WDHD1: variants seen among roughly 807,000 people sequenced by gnomAD.
The protein encoded by WDHD1 is WD repeat and HMG-box DNA binding protein 1.
Under a neutral mutation model 135.4 loss-of-function variants are expected in WDHD1, and 111 were observed. That is an observed-to-expected ratio of 0.82 (90% CI 0.70 to 0.96). WDHD1 has a LOEUF of 0.96. Among genes scored for constraint, WDHD1 ranks in the 40% least tolerant of loss-of-function variants. The pLI is 0.00. For missense variants in WDHD1, 1,351 were observed against 1,336.3 expected, an observed-to-expected ratio of 1.01 and a Z score of -0.17; for synonymous variants, 434 against 439.0, an observed-to-expected ratio of 0.99 and a Z score of 0.14.
intron 2 of WDHD1, among the ~76,000 whole-genome samples, chr14:55,025,502 C>T (rs1594602721): frequency 6.6e-6 from 1 of 152,246 alleles, no homozygotes; most frequent in Non-Finnish European, 1.5e-5. Flanking sequence ...CCCGCCCCTA[C>T]ACAAACTAAT....
chr14:54,955,721 ATAACATCTAGTATAATTTTATATGTTT>A, intron 23 of WDHD1, 27 bp from the exon 24 acceptor site: 1 of 1,485,476 alleles, frequency 6.7e-7, no homozygotes, highest in Non-Finnish European at 8.9e-7. Flanking sequence ...GAATACTGCA[ATAACATCTAGTATAATTTTATATGTTT>A]TATAAGCACG....
intron 14 of WDHD1, 96 bp downstream of exon 14, chr14:54,987,050 G>T: frequency 7.3e-7 from 1 of 1,378,166 alleles, no homozygotes; most frequent in Non-Finnish European, 1.0e-6. Flanking sequence ...TCAAAAGGAA[G>T]TATATAATCC....
intron 25 of WDHD1, among the ~76,000 whole-genome samples, chr14:54,942,269 A>AATAC (rs1460731618): frequency 1.5e-4 from 22 of 150,528 alleles, no homozygotes; most frequent in Admixed American, 1.4e-3. Context: ...TAAATAAATA[A>AATAC]ATAAATAAAT....
intron 11 of WDHD1, among the ~76,000 whole-genome samples, chr14:54,993,693 C>T (rs753785155): frequency 6.6e-6 from 1 of 152,104 alleles, no homozygotes; most frequent in Non-Finnish European, 1.5e-5. Context: ...ATGAGAGAAT[C>T]CAGCTATCCT....
In WDHD1 at chr14:54,963,192, G is replaced by T. The variant is rs759451789; in HGVS notation, c.2311-20C>A. On this transcript the variant is annotated intron_variant, in intron 18 of 25. Coordinates refer to ENST00000360586, the MANE Select transcript of WDHD1 (RefSeq NM_007086.4). ...AGAAAGCTAATCCAAAAAGGGGGGG[G>T]GGGGGGAGATCAAATAACATCAAGT... The T allele has an allele frequency of 2.6e-5, 21 of 799,074 alleles. 4 individuals are homozygous for T. Among genetic ancestry groups the T allele is most frequent in the Middle Eastern group, 5.5e-4 (2 of 3,666 alleles). 49.5% of individuals were successfully genotyped at this position (799,074 alleles called of 1,614,324 possible). A position where few individuals can be genotyped will look rare whatever the true frequency, so the allele number is the denominator to read the frequency against.
At chr14:54,985,375 G>C (rs769926279) in intron 14 of WDHD1, among the ~76,000 whole-genome samples, 1 of 152,160 alleles carries the variant, frequency 6.6e-6, no homozygotes, top group African/African-American at 2.4e-5. Context: ...GAAGGAACAC[G>C]GAAGTGGATG....
rs1487347715 is a variant in WDHD1 at position 54,944,460 on chromosome 14, C to T, written c.3061G>A (p.Gly1021Arg). 5.7e-6 allele frequency: 9 copies of T among 1,584,900 alleles called. No homozygotes were observed. The highest frequency in any genetic ancestry group is 4.7e-5 in the South Asian group (4 of 85,400). ...TTTTCTTCTAACCACATCTGGAACC[C>T]GGTCTTTGGCCTAAAATCACAATTA... ...QNTENQRPKT[G>R]FQMWLEENRS... The change falls in exon 25 of 26, where the codon GGG (glycine) becomes AGG (arginine). Residue 1021 changes from glycine (G) to arginine (R), a missense_variant. Gly to Arg is a moderately radical substitution (Grantham distance 125). Coordinates refer to ENST00000360586, the MANE Select transcript of WDHD1 (RefSeq NM_007086.4).
At chr14:54,967,524 C>G (rs1237236249) in intron 16 of WDHD1, 130 bp from the exon 17 acceptor site, 1 of 559,786 alleles carries the variant, frequency 1.8e-6, no homozygotes, top group African/African-American at 1.9e-5. Flanking sequence ...TCATATATAA[C>G]AAATATCTCT....
chr14:54,990,713 A>G (rs1474365966), intron 12 of WDHD1, among the ~76,000 whole-genome samples: 1 of 152,228 alleles, frequency 6.6e-6, no homozygotes, highest in African/African-American at 2.4e-5. Flanking sequence ...TCCTAAGAAC[A>G]TATCAGTAAA....
intron 8 of WDHD1, 51 bp downstream of exon 8, chr14:55,002,042 G>GC: frequency 7.8e-7 from 1 of 1,274,760 alleles, no homozygotes; most frequent in African/African-American, 1.5e-5. Flanking sequence ...GGCAAACTAC[G>GC]CATTAACTGC....
At chr14:54,996,128 T>C (rs1020877553) in intron 10 of WDHD1, among the ~76,000 whole-genome samples, 3 of 152,136 alleles carry the variant, frequency 2.0e-5, no homozygotes, top group African/African-American at 7.2e-5. Flanking sequence ...AGAAAAGAAG[T>C]GATATTAATA....
intron 25 of WDHD1, 31 bp from the exon 26 acceptor site, chr14:54,941,721 G>C: frequency 6.4e-7 from 1 of 1,552,980 alleles, no homozygotes; most frequent in Admixed American, 2.0e-5. Flanking sequence ...GAAAAGGAAA[G>C]ATTTTTAGAA....
At position 55,026,757 on chromosome 14, in the gene WDHD1, C is replaced by T. The variant is rs1359090406; in HGVS notation, c.31G>A (p.Gly11Arg). The stretch of plus-strand genomic sequence containing the variant: ...ACCTCCGTGTGTCCCTCTGTATGCC[C>T]ATATCTCATTGGCTTCCGTGTGGCA... MPATRKPMRY[G>R]HTEGHTEVCF... is the part of the protein sequence containing the mutation. Residue 11 changes from glycine (G) to arginine (R), a missense_variant, in exon 2 of 26, where the codon GGG becomes AGG. Transcript: ENST00000360586. The T allele has an allele frequency of 6.2e-7, 1 of 1,614,188 alleles. No individual in the cohort carries two copies. Among genetic ancestry groups the T allele is most frequent in the African/African-American group, 1.3e-5 (1 of 75,048 alleles).
At position 54,969,195 on chromosome 14, in the gene WDHD1, C is replaced by T. The variant is rs1367338944; in HGVS notation, c.2064-1801G>A. Among the ~76,000 whole-genome samples the T allele has an allele frequency of 3.9e-5, 6 of 152,026 alleles. No individual in the cohort carries two copies. The South Asian group carries it at 6.2e-4, about 16-fold the overall frequency. ...CTGAGACTACAGGTGCCCACCACCA[C>T]GCCCAGCTAATGTTTTGTATTTTTA... is the stretch of plus-strand genomic sequence containing the variant. On this transcript the variant is annotated intron_variant, in intron 16 of 25. Coordinates refer to ENST00000360586, the MANE Select transcript of WDHD1 (RefSeq NM_007086.4).
At position 54,995,716 on chromosome 14, in the gene WDHD1, G is replaced by C. The variant is rs1473427698; in HGVS notation, c.1040C>G (p.Pro347Arg). Residue 347 changes from proline to arginine, a missense_variant, in exon 11 of 26, where the codon CCT becomes CGT. By Grantham distance (103) the Pro-to-Arg change is moderately radical (BLOSUM62 -2). Coordinates refer to ENST00000360586, the MANE Select transcript of WDHD1 (RefSeq NM_007086.4). ...DFLNDNAVEI[P>R]SFSKGIINDD... ...ATTTATAATCCCTTTTGAAAAAGAA[G>C]GGATCTCAACTGCATTGTCATTTAG... 1 of 1,613,512 alleles carries C rather than the reference G, an allele frequency of 6.2e-7. No individual in the cohort carries two copies.
At chr14:55,000,799 T>C in intron 9 of WDHD1, 87 bp downstream of exon 9, 1 of 1,165,940 alleles carries the variant, frequency 8.6e-7, no homozygotes, top group Non-Finnish European at 1.1e-6. Context: ...GACAATCTGA[T>C]GGCAAATTTG....
intron 13 of WDHD1, among the ~76,000 whole-genome samples, chr14:54,988,181 T>C (rs922073003): frequency 2.6e-5 from 4 of 152,206 alleles, no homozygotes; most frequent in Admixed American, 2.6e-4. Flanking sequence ...CAAAAAATAT[T>C]AAGTAGAAAA....
rs71410642 is a variant in WDHD1 at position 54,972,553 on chromosome 14, CAAAAAAAAAAAAAAAAAAAAA to C, written c.2064-5180_2064-5160del. Among the ~76,000 whole-genome samples, 13 of 25,480 alleles carry C rather than the reference CAAAAAAAAAAAAAAAAAAAAA, an allele frequency of 5.1e-4. 1 individual carries two copies. The highest frequency in any genetic ancestry group is 2.1e-3 in the East Asian group (2 of 972). 16.7% of individuals were successfully genotyped at this position (25,480 alleles called of 152,430 possible). Reference sequence around the variant, plus strand: ...CCTGGGCAATAAAGCAAGACTGTCACAAAAAAAAAAAAAAAAAAAAAAAAAAAAAAAAAAAAATGCCAATGA... The same window carrying C: ...CCTGGGCAATAAAGCAAGACTGTCACAAAAAAAAAAAAAAAATGCCAATGA... On this transcript the variant is annotated intron_variant, in intron 16 of 25. Coordinates refer to ENST00000360586, the MANE Select transcript of WDHD1 (RefSeq NM_007086.4).
intron 24 of WDHD1, among the ~76,000 whole-genome samples, chr14:54,949,206 G>A (rs1009490768): frequency 6.6e-6 from 1 of 152,192 alleles, no homozygotes; most frequent in African/African-American, 2.4e-5. Context: ...ACCTCTCCGA[G>A]CTAAAGGAGG....
Sources: allele counts gnomAD v4.1 joint callset (sites outside exome capture counted in the v4.1 genomes callset), GRCh38; gene constraint gnomAD v4.1.1; transcripts MANE v1.5; gene names NCBI Gene and HGNC (gene_info 2026-07-23, HGNC 2026-07-21).